The following SHTN1 variants were observed in gnomAD, a reference collection of about 807,000 sequenced individuals.
SHTN1 encodes shootin-1.
In SHTN1, 42 loss-of-function variants were observed where a neutral mutation model predicts 83.1. That is an observed-to-expected ratio of 0.51 (90% confidence interval 0.39 to 0.65). SHTN1 has a LOEUF of 0.65. Among genes scored for constraint, SHTN1 ranks in the 30% least tolerant of loss-of-function variants. The probability of loss-of-function intolerance (pLI) is 0.00; values close to 1 mark genes in which losing one functional copy is unlikely to be tolerated. For synonymous variants in SHTN1, 224 were observed against 247.7 expected (o/e 0.90, Z 0.90); for missense variants, 622 against 737.8 (o/e 0.84, Z 1.82).
intron 1 of SHTN1, among the ~76,000 whole-genome samples, chr10:117,070,248 T>C (rs1244661314): frequency 2.0e-5 from 3 of 152,162 alleles, no homozygotes; most frequent in Non-Finnish European, 2.9e-5. Context: ...ACATTTTTTC[T>C]ATTCTTATGT....
At chr10:116,978,649 A>C (rs1208967116) in intron 2 of SHTN1, among the ~76,000 whole-genome samples, 1 of 151,802 alleles carries the variant, frequency 6.6e-6, no homozygotes, top group Non-Finnish European at 1.5e-5. Context: ...CAAATCTTAG[A>C]TATTTTCAGT....
chr10:117,111,143 A>G (rs1020098319), intron 1 of SHTN1, among the ~76,000 whole-genome samples: 6 of 151,496 alleles, frequency 4.0e-5, no homozygotes, highest in Admixed American at 6.6e-5. Flanking sequence ...GGTTACAGTG[A>G]GCCAAGATCA....
In SHTN1 at chr10:116,953,532, G is replaced by T. The variant is rs189112125; in HGVS notation, c.436+510C>A. On this transcript the variant is annotated intron_variant, in intron 5 of 16. Transcript: ENST00000355371. ...GAAGCTTTCAAAATACTGATGCCTAGGTCCTACCCCATCCAAAATTCTGAT... is the reference window on the plus strand; with the variant it reads ...GAAGCTTTCAAAATACTGATGCCTATGTCCTACCCCATCCAAAATTCTGAT... 2.4e-3 allele frequency among the ~76,000 whole-genome samples: 370 copies of T among 151,852 alleles called. 2 individuals are homozygous for T. The highest frequency in any genetic ancestry group is 8.4e-3 in the African/African-American group (348 of 41,458).
chr10:116,999,845 G>A (rs562637053), intron 1 of SHTN1, among the ~76,000 whole-genome samples: 22 of 152,212 alleles, frequency 1.4e-4, no homozygotes, highest in African/African-American at 4.6e-4. Flanking sequence ...CCTGGGAGGC[G>A]GAGGTTGCAG....
chr10:116,910,404 T>G (rs978056606), intron 14 of SHTN1, among the ~76,000 whole-genome samples: 2 of 152,228 alleles, frequency 1.3e-5, no homozygotes, highest in African/African-American at 2.4e-5. Flanking sequence ...TTTTTATAAC[T>G]TATAAATTAT....
chr10:117,125,276 C>A (rs868433477), intron 1 of SHTN1, among the ~76,000 whole-genome samples: 1 of 152,136 alleles, frequency 6.6e-6, no homozygotes, highest in South Asian at 2.1e-4. Context: ...TGAACAGAGA[C>A]GGTCATAGGC....
chr10:117,075,891 T>C (rs1853143993), intron 1 of SHTN1, among the ~76,000 whole-genome samples: 1 of 152,116 alleles, frequency 6.6e-6, no homozygotes, highest in Admixed American at 6.5e-5. Flanking sequence ...TTTAGAAAGA[T>C]AACTTTAGAG....
chr10:117,110,172 A>G (rs1315352037), intron 1 of SHTN1, among the ~76,000 whole-genome samples: 1 of 152,230 alleles, frequency 6.6e-6, no homozygotes, highest in Non-Finnish European at 1.5e-5. Context: ...AGTCTTCAGC[A>G]CTGAAGCTGT....
At chr10:117,094,153 G>A (rs1302997477) in intron 1 of SHTN1, among the ~76,000 whole-genome samples, 2 of 152,134 alleles carry the variant, frequency 1.3e-5, no homozygotes, top group African/African-American at 2.4e-5. Context: ...CCGCTCTGAT[G>A]AGAAAAATGT....
chr10:117,054,820 A>G (rs1852804737), intron 1 of SHTN1, among the ~76,000 whole-genome samples: 1 of 151,818 alleles, frequency 6.6e-6, no homozygotes, highest in East Asian at 1.9e-4. Flanking sequence ...AGCGTGTAAG[A>G]CTCCGCTTCA....
intron 2 of SHTN1, among the ~76,000 whole-genome samples, chr10:117,016,510 G>A (rs1057269108): frequency 3.3e-5 from 5 of 152,166 alleles, no homozygotes; most frequent in African/African-American, 1.2e-4. Context: ...GGCTTCAAGC[G>A]ATTTTCCAGA....
In SHTN1 at chr10:116,886,283, A is replaced by G; in HGVS notation, c.*61T>C. 2 of 1,548,732 alleles carry G rather than the reference A, an allele frequency of 1.3e-6. No homozygotes were observed. Among genetic ancestry groups the G allele is most frequent in the Non-Finnish European group, 1.7e-6 (2 of 1,144,942 alleles). ...TGTCTACAGCCCTTGCCAATATAAC[A>G]ACACTAATCATGTGCTTATTGAAAA... On this transcript the variant is annotated 3_prime_UTR_variant, in exon 17 of 17. Transcript: ENST00000355371.
intron 2 of SHTN1, among the ~76,000 whole-genome samples, chr10:117,042,539 T>C (rs150250168): frequency 1.3e-5 from 2 of 152,148 alleles, no homozygotes; most frequent in African/African-American, 2.4e-5. Flanking sequence ...ATGAAAAGCA[T>C]CCAATCTAGT....
At chr10:117,105,901 C>A (rs1212654167) in intron 1 of SHTN1, among the ~76,000 whole-genome samples, 1 of 152,210 alleles carries the variant, frequency 6.6e-6, no homozygotes, top group South Asian at 2.1e-4. Flanking sequence ...GTTGTCCTAA[C>A]TACTTGGGAG....
chr10:116,974,070 A>G (rs1279666001), intron 2 of SHTN1: 6 of 1,067,524 alleles, frequency 5.6e-6, no homozygotes, highest in Non-Finnish European at 6.9e-6. Flanking sequence ...CTTTCTTCCA[A>G]TTCAAAGTTC....
chr10:117,033,514 A>T (rs1328599078), intron 2 of SHTN1, among the ~76,000 whole-genome samples: 1 of 151,352 alleles, frequency 6.6e-6, no homozygotes, highest in Non-Finnish European at 1.5e-5. Flanking sequence ...CCAAATAACA[A>T]GTAACAAGAT....
intron 1 of SHTN1, among the ~76,000 whole-genome samples, chr10:117,004,598 C>T (rs1387952794): frequency 6.6e-6 from 1 of 152,170 alleles, no homozygotes; most frequent in African/African-American, 2.4e-5. Flanking sequence ...AACAGCCCTA[C>T]AGGCCACCCA....
chr10:116,922,106 T>C (rs963023023), intron 11 of SHTN1, among the ~76,000 whole-genome samples: 4 of 152,088 alleles, frequency 2.6e-5, no homozygotes, highest in African/African-American at 9.7e-5. Context: ...GACAAGGATA[T>C]ATAAAGAAAT....
chr10:117,033,958 AT>A (rs1303224184), intron 2 of SHTN1, among the ~76,000 whole-genome samples: 4 of 152,228 alleles, frequency 2.6e-5, no homozygotes, highest in African/African-American at 9.6e-5. Flanking sequence ...CTGAAAAAGC[AT>A]TTGATGAAAT....
Sources: allele counts gnomAD v4.1 joint callset (sites outside exome capture counted in the v4.1 genomes callset), GRCh38; gene constraint gnomAD v4.1.1; transcripts MANE v1.5; gene names NCBI Gene and HGNC (gene_info 2026-07-23, HGNC 2026-07-21).